GRM8: variants seen among roughly 807,000 people sequenced by gnomAD.
GRM8 encodes metabotropic glutamate receptor 8.
A neutral mutation model predicts 87.2 loss-of-function variants in GRM8; 47 were observed. That is an observed-to-expected ratio of 0.54 (90% CI 0.43 to 0.69). The LOEUF (loss-of-function observed/expected upper bound fraction) is 0.69. GRM8 is among the 30% of genes least tolerant of loss of function. The probability of loss-of-function intolerance (pLI) is 0.00; values close to 1 mark genes in which losing one functional copy is unlikely to be tolerated. For synonymous variants in GRM8, 396 were observed against 404.5 expected (o/e 0.98, Z 0.25); for missense variants, 1,019 against 1,139.2 (o/e 0.89, Z 1.52).
At chr7:126,965,391 A>T (rs1586616085) in intron 3 of GRM8, among the ~76,000 whole-genome samples, 1 of 152,178 alleles carries the variant, frequency 6.6e-6, no homozygotes, top group Middle Eastern at 3.4e-3. Flanking sequence ...GTATTTATTA[A>T]GCAATTATTT....
intron 3 of GRM8, among the ~76,000 whole-genome samples, chr7:127,025,503 G>GAGCTGCCTCTC (rs1563425331): frequency 6.6e-6 from 1 of 152,112 alleles, no homozygotes; most frequent in East Asian, 1.9e-4. Context: ...TAGAGACTGG[G>GAGCTGCCTCTC]AGCTGCCTCT....
At chr7:127,142,066 T>C (rs1225694790) in intron 2 of GRM8, among the ~76,000 whole-genome samples, 1 of 152,072 alleles carries the variant, frequency 6.6e-6, no homozygotes, top group Non-Finnish European at 1.5e-5. Context: ...CACTACAACC[T>C]GGACTTCCCA....
chr7:127,220,046 A>C (rs374158166), intron 2 of GRM8, among the ~76,000 whole-genome samples: 3 of 152,350 alleles, frequency 2.0e-5, no homozygotes, highest in East Asian at 3.9e-4. Flanking sequence ...TATTTCAGCA[A>C]GAGAAACTGA....
At chr7:126,726,669 A>G (rs1454106834) in intron 7 of GRM8, among the ~76,000 whole-genome samples, 1 of 152,168 alleles carries the variant, frequency 6.6e-6, no homozygotes, top group Admixed American at 6.5e-5. Flanking sequence ...TCAGAAAACA[A>G]AAGAGGAATT....
chr7:126,967,928 T>C (rs1810041586), intron 3 of GRM8, among the ~76,000 whole-genome samples: 1 of 152,232 alleles, frequency 6.6e-6, no homozygotes, highest in Non-Finnish European at 1.5e-5. Context: ...TAAGCCTCCA[T>C]GACTTTACAA....
chr7:127,051,078 A>G (rs1463229947), intron 3 of GRM8, among the ~76,000 whole-genome samples: 1 of 152,212 alleles, frequency 6.6e-6, no homozygotes, highest in Non-Finnish European at 1.5e-5. Flanking sequence ...ATAATACAAT[A>G]TTTGCAATAA....
intron 6 of GRM8, among the ~76,000 whole-genome samples, chr7:126,825,409 T>C (rs191992557): frequency 6.6e-6 from 1 of 152,300 alleles, no homozygotes; most frequent in Non-Finnish European, 1.5e-5. Context: ...TCAATGAGTG[T>C]TATTTTCCTT....
chr7:126,882,430 T>C (rs1057420636), intron 6 of GRM8, among the ~76,000 whole-genome samples: 1 of 152,160 alleles, frequency 6.6e-6, no homozygotes, highest in Non-Finnish European at 1.5e-5. Context: ...CATTCTGCTC[T>C]TTTTGAGCTA....
At chr7:126,799,625 C>T (rs1822410940) in intron 6 of GRM8, among the ~76,000 whole-genome samples, 2 of 152,120 alleles carry the variant, frequency 1.3e-5, no homozygotes, top group East Asian at 3.9e-4. Flanking sequence ...ACCTCCATTC[C>T]TTCTTCCTCC....
chr7:126,791,415 T>G (rs1368615658), intron 6 of GRM8, among the ~76,000 whole-genome samples: 2 of 152,182 alleles, frequency 1.3e-5, no homozygotes. Context: ...CTACATTGTC[T>G]TATATGAGGC....
chr7:126,672,075 G>A (rs1039372130), intron 7 of GRM8, among the ~76,000 whole-genome samples: 19 of 152,294 alleles, frequency 1.2e-4, no homozygotes, highest in South Asian at 1.2e-3. Flanking sequence ...GATTTCTACC[G>A]ATTAAACCAA....
intron 2 of GRM8, among the ~76,000 whole-genome samples, chr7:127,158,154 G>T (rs1054131164): frequency 6.6e-6 from 1 of 152,172 alleles, no homozygotes; most frequent in African/African-American, 2.4e-5. Flanking sequence ...CCCAGACTTT[G>T]TCAGCTCTAA....
At chr7:126,927,830 C>G (rs1315312610) in intron 3 of GRM8, among the ~76,000 whole-genome samples, 3 of 152,134 alleles carry the variant, frequency 2.0e-5, no homozygotes, top group Admixed American at 6.5e-5. Context: ...GGATCTAGAA[C>G]TAGAAATACC....
intron 2 of GRM8, among the ~76,000 whole-genome samples, chr7:127,115,744 T>C (rs1826663419): frequency 1.3e-5 from 2 of 152,264 alleles, no homozygotes; most frequent in South Asian, 2.1e-4. Flanking sequence ...ATCAAGTCAC[T>C]AGTAGTGTGG....
intron 2 of GRM8, among the ~76,000 whole-genome samples, chr7:127,198,393 A>G (rs966979339): frequency 6.6e-6 from 1 of 152,184 alleles, no homozygotes; most frequent in African/African-American, 2.4e-5. Context: ...GGCCTTAGTC[A>G]AGTTACTGAA....
At chr7:127,113,528 A>G (rs1489151838) in intron 2 of GRM8, among the ~76,000 whole-genome samples, 2 of 151,934 alleles carry the variant, frequency 1.3e-5, no homozygotes, top group Non-Finnish European at 2.9e-5. Context: ...AACCTTGTCC[A>G]TTGATCATGG....
At chr7:126,987,430 C>G (rs570949951) in intron 3 of GRM8, among the ~76,000 whole-genome samples, 106 of 150,024 alleles carry the variant, frequency 7.1e-4, no homozygotes, top group African/African-American at 2.5e-3. Flanking sequence ...GGACAAGAAG[C>G]ATATCTTGTT....
intron 3 of GRM8, among the ~76,000 whole-genome samples, chr7:126,978,208 GAA>G (rs1256310845): frequency 1.3e-5 from 2 of 151,844 alleles, no homozygotes; most frequent in Non-Finnish European, 1.5e-5. Context: ...CGGAGGGGAG[GAA>G]AAGACAGGAG....
intron 1 of GRM8, among the ~76,000 whole-genome samples, chr7:127,248,903 A>G (rs1798718441): frequency 6.6e-6 from 1 of 152,206 alleles, no homozygotes. Context: ...GAAGAAGTCA[A>G]TGGAACTACC....
Sources: gnomAD v4.1 joint callset for allele counts (sites outside exome capture counted in the v4.1 genomes callset) on GRCh38, gnomAD v4.1.1 for gene constraint, MANE v1.5 for transcripts, NCBI Gene and HGNC (gene_info 2026-07-23, HGNC 2026-07-21) for gene names.